CDKN2B-AS1: variants seen among roughly 807,000 people sequenced by gnomAD.
CDKN2B-AS1 encodes the protein CDKN2B antisense RNA 1 (non-protein coding).
At chr9:22,058,085 T>C (rs1823648801) in intron 4 of CDKN2B-AS1, among the ~76,000 whole-genome samples, 1 of 150,550 alleles carries the variant, frequency 6.6e-6, no homozygotes, top group African/African-American at 2.4e-5. Flanking sequence ...TCCCAGCTAC[T>C]GGGGAGGCTG....
intron 1 of CDKN2B-AS1, among the ~76,000 whole-genome samples, chr9:22,018,380 G>T (rs762437586): frequency 6.9e-6 from 1 of 144,178 alleles, no homozygotes; most frequent in African/African-American, 2.6e-5. Flanking sequence ...GCCATGGGCC[G>T]CGCATGGTGG....
intron 4 of CDKN2B-AS1, among the ~76,000 whole-genome samples, chr9:22,067,435 T>C (rs944057123): frequency 6.6e-6 from 1 of 152,130 alleles, no homozygotes; most frequent in Admixed American, 6.6e-5. Flanking sequence ...GATTGAGTCA[T>C]GTAGGCAACT....
At chr9:22,050,664 G>A (rs983661226) in intron 3 of CDKN2B-AS1, among the ~76,000 whole-genome samples, 1 of 152,148 alleles carries the variant, frequency 6.6e-6, no homozygotes, top group Non-Finnish European at 1.5e-5. Flanking sequence ...TTCTGGCGGT[G>A]AAAAGTCTGT....
chr9:22,060,069 G>A (rs1823750665), intron 4 of CDKN2B-AS1, among the ~76,000 whole-genome samples: 1 of 152,164 alleles, frequency 6.6e-6, no homozygotes, highest in Non-Finnish European at 1.5e-5. Context: ...CTCTGACAAG[G>A]CTTGGAGACA....
intron 4 of CDKN2B-AS1, among the ~76,000 whole-genome samples, chr9:22,057,589 G>T (rs756807211): frequency 6.6e-6 from 1 of 152,026 alleles, no homozygotes; most frequent in Non-Finnish European, 1.5e-5. Context: ...TGGGCTGATT[G>T]CTTGAGCTCA....
In CDKN2B-AS1 at chr9:21,999,408, A is replaced by G. The variant is rs982860067; in HGVS notation, n.29+4247A>G. On this transcript the variant is annotated intron_variant and non_coding_transcript_variant, in intron 1 of 4. Coordinates refer to ENST00000650946, the Ensembl canonical transcript of CDKN2B-AS1. This position sits in a 1 kb window ranked among gnomAD's most constrained non-coding sequence, Gnocchi z 4.7. ...GCAATTCTATTCCTATAACTCATGT[A>G]TGTAACATATATAATACATATCTTT... 6.6e-6 allele frequency among the ~76,000 whole-genome samples: 1 copy of G among 151,858 alleles called. No individual in the cohort carries two copies. The highest frequency in any genetic ancestry group is 6.6e-5 in the Admixed American group (1 of 15,238).
At position 22,122,861 on chromosome 9, in the gene CDKN2B-AS1, A is replaced by G. The variant is rs186671035; in HGVS notation, n.439-4242A>G. Among the ~76,000 whole-genome samples the G allele has an allele frequency of 2.4e-3, 362 of 152,006 alleles. 3 individuals carry two copies. The highest frequency in any genetic ancestry group is 8.6e-3 in the African/African-American group (355 of 41,466). ...TCCAGCTTTGTTCTTTTTGCTTAGG[A>G]TTGCTTTGGCTGTTTGGGGTCTTTT... On this transcript the variant is annotated intron_variant and non_coding_transcript_variant, in intron 4 of 4. Transcript: ENST00000650946.
intron 4 of CDKN2B-AS1, among the ~76,000 whole-genome samples, chr9:22,070,916 G>T (rs1038010016): frequency 6.6e-6 from 1 of 152,120 alleles, no homozygotes; most frequent in African/African-American, 2.4e-5. Flanking sequence ...AATTTAGGAA[G>T]ATGTAAGCCT....
intron 4 of CDKN2B-AS1, among the ~76,000 whole-genome samples, chr9:22,094,074 T>C (rs1301243512): frequency 6.9e-6 from 1 of 144,462 alleles, no homozygotes; most frequent in Non-Finnish European, 1.5e-5. Context: ...CCTTCACTTA[T>C]GAAGCTTAGT....
chr9:22,012,483 G>A lies in CDKN2B-AS1; in HGVS notation n.29+17322G>A, dbSNP rs960593361. ...CTCCTGCACCCCTATGCTGTCAATT[G>A]CCGCAAGAAGAAGTGTGGCCACACC... On this transcript the variant is annotated intron_variant and non_coding_transcript_variant, in intron 1 of 4. Coordinates refer to ENST00000650946, the Ensembl canonical transcript of CDKN2B-AS1. 1.7e-4 allele frequency: 117 copies of A among 683,244 alleles called. No homozygotes were observed. The African/African-American group carries it at 1.8e-3, about 10-fold the overall frequency. The allele number at this position is 683,244 out of a possible 1,614,324, so 42.3% of individuals were successfully genotyped here. A position where few individuals can be genotyped will look rare whatever the true frequency, so the allele number is the denominator to read the frequency against.
At chr9:22,014,194 G>C (rs1821638514) in intron 1 of CDKN2B-AS1, among the ~76,000 whole-genome samples, 1 of 151,860 alleles carries the variant, frequency 6.6e-6, no homozygotes, top group African/African-American at 2.4e-5. Flanking sequence ...ACAGAGTCTT[G>C]CACTGTCACC....
chr9:22,078,007 C>T (rs1824561585), intron 4 of CDKN2B-AS1: 1 of 152,032 alleles, frequency 6.6e-6, no homozygotes, highest in Non-Finnish European at 1.5e-5. Flanking sequence ...TTTTTTTTCA[C>T]CAAATATTTT....
intron 1 of CDKN2B-AS1, among the ~76,000 whole-genome samples, chr9:22,044,100 A>G (rs1364505542): frequency 6.6e-6 from 1 of 152,058 alleles, no homozygotes; most frequent in Non-Finnish European, 1.5e-5. Context: ...GAAAGAAGGA[A>G]CAGTGGAAGT....
chr9:22,068,647 A>G (rs1412831), intron 4 of CDKN2B-AS1, among the ~76,000 whole-genome samples: 9,954 of 152,244 alleles, frequency 0.065, 1,058 homozygotes, highest in African/African-American at 0.22. Context: ...TGGCTTTGCA[A>G]TGATAGTAAG....
intron 4 of CDKN2B-AS1, among the ~76,000 whole-genome samples, chr9:22,104,999 C>A (rs943626122): frequency 2.0e-5 from 3 of 152,190 alleles, no homozygotes; most frequent in Admixed American, 6.5e-5. Context: ...TTAAGTCTCA[C>A]AGCCTGGAAG....
chr9:22,060,137 A>G (rs2095144), intron 4 of CDKN2B-AS1, among the ~76,000 whole-genome samples: 120,930 of 152,236 alleles, frequency 0.79, 49,027 homozygotes, highest in African/African-American at 0.95. Flanking sequence ...GCAAATTTCT[A>G]CAGCTAGCTT....
At chr9:22,041,100 G>A (rs2131264239) in intron 1 of CDKN2B-AS1, among the ~76,000 whole-genome samples, 1 of 152,050 alleles carries the variant, frequency 6.6e-6, no homozygotes, top group Middle Eastern at 3.4e-3. Flanking sequence ...CATGAAAACA[G>A]AAAACAAATG....
At chr9:22,026,858 G>C (rs1822261253) in intron 1 of CDKN2B-AS1, among the ~76,000 whole-genome samples, 1 of 152,112 alleles carries the variant, frequency 6.6e-6, no homozygotes. Context: ...AGTTCACAAG[G>C]GGATCTCCTG....
intron 4 of CDKN2B-AS1, among the ~76,000 whole-genome samples, chr9:22,087,834 AT>A (rs1824916246): frequency 1.3e-5 from 2 of 152,320 alleles, no homozygotes; most frequent in East Asian, 3.9e-4. Flanking sequence ...AACCGATATC[AT>A]TTGCCTTAAA....
Sources: gnomAD v4.1 joint callset for allele counts (sites outside exome capture counted in the v4.1 genomes callset) on GRCh38, gnomAD v4.1.1 for gene constraint, Gnocchi (gnomAD v3.1) non-coding constraint, MANE v1.5 for transcripts, NCBI Gene and HGNC (gene_info 2026-07-23, HGNC 2026-07-21) for gene names.